The following DLG2 variants were observed in gnomAD, a reference collection of about 807,000 sequenced individuals.
The protein encoded by DLG2 is disks large homolog 2.
In DLG2, 45 loss-of-function variants were observed where a neutral mutation model predicts 132.5. The ratio of observed to expected loss-of-function variants is 0.34; its 90% CI spans 0.27 to 0.44. The LOEUF (loss-of-function observed/expected upper bound fraction) is 0.44, where lower values mean the gene tolerates loss of function less well. Among genes scored for constraint, DLG2 ranks in the 20% least tolerant of loss-of-function variants. DLG2 has a pLI of 1.00. For missense variants in DLG2, 1,045 were observed against 1,196.9 expected (o/e 0.87, Z 1.87); for synonymous variants, 424 against 419.6 (o/e 1.01, Z -0.13).
intron 11 of DLG2, among the ~76,000 whole-genome samples, chr11:84,024,548 A>G (rs917679764): frequency 7.2e-5 from 11 of 152,206 alleles, no homozygotes; most frequent in Middle Eastern, 3.2e-3. Context: ...AATGTGGTTT[A>G]TATAAATAAT....
At chr11:84,476,059 A>G (rs1404164032) in intron 7 of DLG2, among the ~76,000 whole-genome samples, 1 of 152,154 alleles carries the variant, frequency 6.6e-6, no homozygotes, top group East Asian at 1.9e-4. Flanking sequence ...TACTTCAAAT[A>G]ACAAGAAATA....
At chr11:84,401,314 A>G (rs2098828601) in intron 7 of DLG2, among the ~76,000 whole-genome samples, 1 of 152,286 alleles carries the variant, frequency 6.6e-6, no homozygotes, top group Non-Finnish European at 1.5e-5. Flanking sequence ...TGCATGGAAA[A>G]GTATTATTAT....
intron 6 of DLG2, among the ~76,000 whole-genome samples, chr11:84,773,161 C>T (rs941019190): frequency 2.0e-5 from 3 of 152,018 alleles, no homozygotes; most frequent in African/African-American, 4.8e-5. Context: ...CCTCCATGAA[C>T]AAAAACTAGA....
chr11:84,823,586 C>A lies in DLG2; in HGVS notation c.357+288075G>T, dbSNP rs985420493. On this transcript the variant is annotated intron_variant, in intron 6 of 27. Coordinates refer to ENST00000376104, the MANE Select transcript of DLG2 (RefSeq NM_001142699.3). ...AGAATGGGATGGTTGTATATCCACA[C>A]ACACACACACACACACACACACACA... 4.7e-4 allele frequency among the ~76,000 whole-genome samples: 22 copies of A among 46,748 alleles called. 1 individual carries two copies. Among genetic ancestry groups the A allele is most frequent in the Middle Eastern group, 0.017 (2 of 116 alleles). The allele number at this position is 46,748 out of a possible 152,430, so 30.7% of individuals were successfully genotyped here. A position where few individuals can be genotyped will look rare whatever the true frequency, so the allele number is the denominator to read the frequency against.
intron 6 of DLG2, among the ~76,000 whole-genome samples, chr11:84,598,679 A>C (rs1274949860): frequency 6.6e-6 from 1 of 151,702 alleles, no homozygotes; most frequent in Non-Finnish European, 1.5e-5. Flanking sequence ...TAATCCCAGC[A>C]CTCTAGGAGG....
At chr11:83,761,627 G>A (rs993486244) in intron 18 of DLG2, among the ~76,000 whole-genome samples, 1 of 152,002 alleles carries the variant, frequency 6.6e-6, no homozygotes, top group East Asian at 1.9e-4. Context: ...TCATATCTCA[G>A]GTCCTAGACT....
intron 18 of DLG2, among the ~76,000 whole-genome samples, chr11:83,780,789 C>T (rs12281417): frequency 6.6e-6 from 1 of 151,862 alleles, no homozygotes; most frequent in Non-Finnish European, 1.5e-5. Context: ...CCTGCTAAAA[C>T]CACTGAGCCA....
intron 6 of DLG2, among the ~76,000 whole-genome samples, chr11:84,562,136 G>T (rs1328414075): frequency 6.6e-6 from 1 of 152,042 alleles, no homozygotes; most frequent in Admixed American, 6.6e-5. Context: ...AATGACCCTT[G>T]ATCTAGAAGG....
intron 5 of DLG2, among the ~76,000 whole-genome samples, chr11:85,144,722 C>A (rs745579851): frequency 2.0e-5 from 3 of 151,920 alleles, no homozygotes; most frequent in Non-Finnish European, 4.4e-5. Context: ...AAACTCTACA[C>A]TTTATCCTCC....
At chr11:85,429,505 A>G (rs1198455773) in intron 3 of DLG2, among the ~76,000 whole-genome samples, 1 of 152,186 alleles carries the variant, frequency 6.6e-6, no homozygotes, top group Non-Finnish European at 1.5e-5. Flanking sequence ...ACTCAAACAA[A>G]TCTACAAGAA....
chr11:85,625,179 T>A (rs1311408283), intron 2 of DLG2: 1 of 152,170 alleles, frequency 6.6e-6, no homozygotes, highest in Non-Finnish European at 1.5e-5. Context: ...TCTGTCTCTC[T>A]CTCTCTCACA....
rs190222323 is a variant in DLG2 at position 84,790,501 on chromosome 11, G to A, written c.358-255770C>T. Among the ~76,000 whole-genome samples the A allele has an allele frequency of 3.4e-4, 51 of 152,232 alleles. No individual in the cohort carries two copies. The East Asian group carries it at 8.5e-3, about 25-fold the overall frequency. On this transcript the variant is annotated intron_variant, in intron 6 of 27. Transcript: ENST00000376104. ...AGGTTATTAATATCTTGTTAGATGTGTAGTTTGCAAATATTTTCTCCCATT... is the reference window on the plus strand; with the variant it reads ...AGGTTATTAATATCTTGTTAGATGTATAGTTTGCAAATATTTTCTCCCATT...
intron 7 of DLG2, among the ~76,000 whole-genome samples, chr11:84,497,998 T>C (rs963168031): frequency 6.6e-6 from 1 of 152,156 alleles, no homozygotes; most frequent in Non-Finnish European, 1.5e-5. Context: ...GACTACCAAG[T>C]ACACATGAAA....
At chr11:84,032,579 G>T (rs981613954) in intron 11 of DLG2, among the ~76,000 whole-genome samples, 5 of 152,196 alleles carry the variant, frequency 3.3e-5, no homozygotes, top group African/African-American at 1.2e-4. Flanking sequence ...GAAGCAGGAG[G>T]TGCTGAGGTA....
At chr11:84,925,985 T>A (rs2092963685) in intron 6 of DLG2, among the ~76,000 whole-genome samples, 1 of 152,148 alleles carries the variant, frequency 6.6e-6, no homozygotes, top group Non-Finnish European at 1.5e-5. Flanking sequence ...ATATAAAACT[T>A]CTCCTTGGGT....
chr11:84,207,294 C>T lies in DLG2; in HGVS notation c.574-43783G>A, dbSNP rs192768065. ...CTTTCTGCAGAATTTGGTAAGTTGA[C>T]CCCAAAGTGTATAAAGAAATATAAA... On this transcript the variant is annotated intron_variant, in intron 8 of 27. Coordinates refer to ENST00000376104, the MANE Select transcript of DLG2 (RefSeq NM_001142699.3). 6.1e-4 allele frequency among the ~76,000 whole-genome samples: 93 copies of T among 151,828 alleles called. 1 individual carries two copies. The highest frequency in any genetic ancestry group is 2.0e-3 in the African/African-American group (84 of 41,454).
intron 14 of DLG2, among the ~76,000 whole-genome samples, chr11:83,932,304 G>A (rs2080423341): frequency 6.6e-6 from 1 of 151,224 alleles, no homozygotes; most frequent in Non-Finnish European, 1.5e-5. Flanking sequence ...GCGCAATCTC[G>A]GCTCACTGCA....
At chr11:85,389,768 A>G (rs2086643007) in intron 3 of DLG2, among the ~76,000 whole-genome samples, 1 of 152,198 alleles carries the variant, frequency 6.6e-6, no homozygotes. Context: ...ACTAAGCTTC[A>G]TAAATGAAGG....
chr11:84,871,559 C>T (rs2085460626), intron 6 of DLG2, among the ~76,000 whole-genome samples: 2 of 151,922 alleles, frequency 1.3e-5, no homozygotes, highest in South Asian at 4.1e-4. Flanking sequence ...ATGAAGAAGA[C>T]TCTTAAGTAG....
Sources: gnomAD v4.1 joint callset for allele counts (sites outside exome capture counted in the v4.1 genomes callset) on GRCh38, gnomAD v4.1.1 for gene constraint, MANE v1.5 for transcripts, NCBI Gene and HGNC (gene_info 2026-07-23, HGNC 2026-07-21) for gene names.